ADAMTS7: variants seen among roughly 807,000 people sequenced by gnomAD.
ADAMTS7 encodes A disintegrin and metalloproteinase with thrombospondin motifs 7.
ADAMTS7 carries 89 observed loss-of-function variants against 172.6 expected under a neutral mutation model. The observed-to-expected ratio is 0.52, with a 90% CI of 0.43 to 0.61. ADAMTS7 has a LOEUF of 0.61. Ranked by LOEUF, ADAMTS7 falls within the 20% of genes least tolerant of loss-of-function variation. The pLI is 0.00. For missense variants in ADAMTS7, 1,973 were observed against 2,355.6 expected, an observed-to-expected ratio of 0.84 and a Z score of 3.36; for synonymous variants, 885 against 978.4, an observed-to-expected ratio of 0.90 and a Z score of 1.78.
chr15:78,766,805 G>A lies in ADAMTS7; in HGVS notation c.3106C>T (p.Pro1036Ser), dbSNP rs1177699109. 3 of 1,610,624 alleles carry A rather than the reference G, an allele frequency of 1.9e-6. No individual in the cohort carries two copies. The highest frequency in any genetic ancestry group is 2.5e-6 in the Non-Finnish European group (3 of 1,179,812). ...LAPRPSPASS[P>S]KPGTMGNAIE... is the part of the protein sequence containing the mutation. ...GCGTTGCCCATGGTGCCTGGCTTGGGTGATGAGGCGGGTGAAGGGCGTGGG... is the reference window on the plus strand; with the variant it reads ...GCGTTGCCCATGGTGCCTGGCTTGGATGATGAGGCGGGTGAAGGGCGTGGG... Residue 1036 changes from proline (P) to serine (S), a missense_variant, in exon 19 of 24, where the codon CCC (proline) becomes TCC (serine). By Grantham distance (74) the Pro-to-Ser change is moderately conservative. Around this residue, in one of 8 missense-constraint regions of ADAMTS7, gnomAD observed 771 missense variants for 952.6 expected, o/e 0.81. Coordinates refer to ENST00000388820, the MANE Select transcript of ADAMTS7 (RefSeq NM_014272.5).
intron 8 of ADAMTS7, among the ~76,000 whole-genome samples, chr15:78,782,456 T>A (rs1878172808): frequency 7.0e-6 from 1 of 142,988 alleles, no homozygotes; most frequent in South Asian, 2.2e-4. Flanking sequence ...CCTGGTCACA[T>A]CCCTGCTTAA....
intron 22 of ADAMTS7, among the ~76,000 whole-genome samples, chr15:78,762,945 G>A (rs1243313575): frequency 2.0e-5 from 3 of 152,220 alleles, no homozygotes; most frequent in African/African-American, 4.8e-5. Flanking sequence ...GAGGGACAGG[G>A]CAGAGGACCT....
rs371058694 is a variant in ADAMTS7, at chr15:78,766,210, G to A, written c.3701C>T (p.Pro1234Leu). 43 of 1,611,634 alleles carry A rather than the reference G, an allele frequency of 2.7e-5. No homozygotes were observed. Among genetic ancestry groups the A allele is most frequent in the South Asian group, 4.4e-5 (4 of 91,042 alleles). Residue 1234 changes from proline (P) to leucine (L), a missense_variant, in exon 19 of 24, where the codon CCG becomes CTG. Pro to Leu is a moderately conservative substitution (Grantham distance 98). This residue lies in a region of ADAMTS7 where 771 missense variants were observed against 952.6 expected (regional missense o/e 0.81). Coordinates refer to ENST00000388820, the MANE Select transcript of ADAMTS7 (RefSeq NM_014272.5). ...AGGGGGCAGCGTGGAGCTGGGTCTC[G>A]GGGGCAGGTGGGGTGCTCCTCGGCC... Reference protein sequence around the residue: ...PKGRGAPHLPPRPSSTLPPLS... With the variant: ...PKGRGAPHLPLRPSSTLPPLS...
intron 1 of ADAMTS7, among the ~76,000 whole-genome samples, chr15:78,808,187 A>G (rs2055820980): frequency 6.6e-6 from 1 of 152,150 alleles, no homozygotes; most frequent in Non-Finnish European, 1.5e-5. Flanking sequence ...CAATAAAAGA[A>G]TAGACTTACA....
rs1387870400 is a variant in ADAMTS7, at chr15:78,762,994, C to T, written c.4741-429G>A. Among the ~76,000 whole-genome samples the T allele has an allele frequency of 5.3e-5, 8 of 152,342 alleles. No individual in the cohort carries two copies. The South Asian group carries it at 1.4e-3, about 28-fold the overall frequency. On this transcript the variant is annotated intron_variant, in intron 22 of 23. Coordinates refer to ENST00000388820, the MANE Select transcript of ADAMTS7 (RefSeq NM_014272.5). ...GGCAGGAGGGCAGGAGACAGTTTCA[C>T]AGCCGGGGCCCAGCCCGCCAGGCTT...
chr15:78,771,461 GC>G lies in ADAMTS7; in HGVS notation c.2376+123del, dbSNP rs767592190. The G allele has an allele frequency of 3.3e-6, 5 of 1,534,278 alleles. No individual in the cohort carries two copies. Among genetic ancestry groups the G allele is most frequent in the Non-Finnish European group, 4.4e-6 (5 of 1,139,866 alleles). ...GTAGAGGCCGCAGCAGGAGGGCCTGGCTCAGAGCCAGGCTCTGTGACTGAAC... is the reference window on the plus strand; with the variant it reads ...GTAGAGGCCGCAGCAGGAGGGCCTGGTCAGAGCCAGGCTCTGTGACTGAAC... On this transcript the variant is annotated intron_variant, in intron 15 of 23. Coordinates refer to ENST00000388820, the MANE Select transcript of ADAMTS7 (RefSeq NM_014272.5). This position sits in a 1 kb window ranked among gnomAD's most constrained non-coding sequence, Gnocchi z 4.9.
chr15:78,776,801 C>T lies in ADAMTS7; in HGVS notation c.1508G>A (p.Cys503Tyr), dbSNP rs2055353291. ...CACAGCTGCATCCAGCTTGGAGTGA[C>T]AGGTGGTCCCCACAGAGCACCAGAG... ...HTLWCSVGTT[C>Y]HSKLDAAVDG... Residue 503 changes from cysteine to tyrosine, a missense_variant, in exon 10 of 24, where the codon TGT (cysteine) becomes TAT (tyrosine). Cys to Tyr is a radical substitution (Grantham distance 194). Around this residue, in one of 8 missense-constraint regions of ADAMTS7, gnomAD observed 526 missense variants for 662.9 expected, o/e 0.79. Coordinates refer to ENST00000388820, the MANE Select transcript of ADAMTS7 (RefSeq NM_014272.5). 9.7e-6 allele frequency: 15 copies of T among 1,551,408 alleles called. No individual in the cohort carries two copies. The highest frequency in any genetic ancestry group is 1.4e-5 in the African/African-American group (1 of 73,202).
intron 1 of ADAMTS7, among the ~76,000 whole-genome samples, chr15:78,802,514 C>G (rs2055739254): frequency 6.6e-6 from 1 of 152,168 alleles, no homozygotes; most frequent in Non-Finnish European, 1.5e-5. Context: ...CTTTTACATG[C>G]AAGAATTCAT....
chr15:78,800,411 G>C lies in ADAMTS7; in HGVS notation c.237C>G (p.Pro79=). ...CGCGGTATTGTAGCTCGTAGAAGGC[G>C]GGCGCGTCTCGGCGCACAGATACAT... is the stretch of plus-strand genomic sequence containing the variant. ...KRDVSVRRDA[P]AFYELQYRGR... Residue 79 remains proline (P), a synonymous_variant, in exon 2 of 24, where the codon CCC becomes CCG. Coordinates refer to ENST00000388820, the MANE Select transcript of ADAMTS7 (RefSeq NM_014272.5). 6.2e-7 allele frequency: 1 copy of C among 1,609,132 alleles called. No homozygotes were observed. The highest frequency in any genetic ancestry group is 2.2e-5 in the East Asian group (1 of 44,782).
chr15:78,811,369 C>G lies in ADAMTS7; in HGVS notation c.-149G>C, dbSNP rs952574982. 2.0e-6 allele frequency: 2 copies of G among 1,004,806 alleles called. No individual in the cohort carries two copies. The highest frequency in any genetic ancestry group is 2.5e-6 in the Non-Finnish European group (2 of 786,336). 62.2% of individuals were successfully genotyped at this position (1,004,806 alleles called of 1,614,324 possible). On this transcript the variant is annotated 5_prime_UTR_variant, in exon 1 of 24. Coordinates refer to ENST00000388820, the MANE Select transcript of ADAMTS7 (RefSeq NM_014272.5). Reference sequence around the variant, plus strand: ...GGCCCCGACTCCGTTCGGCTGCGCTCGGTCCGCGGGCAACAAAGGCTGCAG... The same window carrying G: ...GGCCCCGACTCCGTTCGGCTGCGCTGGGTCCGCGGGCAACAAAGGCTGCAG...
intron 1 of ADAMTS7, among the ~76,000 whole-genome samples, chr15:78,808,341 A>C (rs1389876176): frequency 3.9e-5 from 6 of 152,216 alleles, no homozygotes; most frequent in East Asian, 1.9e-4. Flanking sequence ...GGTTCAAGCA[A>C]TTCTCATGCC....
At chr15:78,791,032 G>A (rs2055573304) in intron 5 of ADAMTS7, 108 bp downstream of exon 5, 2 of 1,366,342 alleles carry the variant, frequency 1.5e-6, no homozygotes, top group Admixed American at 3.8e-5. Context: ...TCCAGGCCAA[G>A]GCGGCCTTCA....
rs1339614753 is a variant in ADAMTS7 at position 78,788,276 on chromosome 15, AG to A, written c.1276del (p.Leu426SerfsTer45). On this transcript the variant is annotated frameshift_variant, in exon 8 of 24. Coordinates refer to ENST00000388820, the MANE Select transcript of ADAMTS7 (RefSeq NM_014272.5). LOFTEE classifies it high-confidence loss of function. ...SPQLLYDAAP[L>X]TWSRCSRQYI... Reference sequence around the variant, plus strand: ...CTGGCGGCTGCAGCGGGACCAGGTGAGGGGAGCGGCGTCGTACAGGAGCTGT... The same window carrying A: ...CTGGCGGCTGCAGCGGGACCAGGTGAGGGAGCGGCGTCGTACAGGAGCTGT... 17 of 1,613,746 alleles carry A rather than the reference AG, an allele frequency of 1.1e-5. No individual in the cohort carries two copies. The highest frequency in any genetic ancestry group is 1.4e-5 in the Non-Finnish European group (17 of 1,179,994).
At chr15:78,781,774 C>T (rs976824204) in intron 8 of ADAMTS7, among the ~76,000 whole-genome samples, 2 of 152,198 alleles carry the variant, frequency 1.3e-5, no homozygotes, top group Admixed American at 6.5e-5. Flanking sequence ...GAAGGAGACA[C>T]ACCCTCCTCC....
intron 8 of ADAMTS7, among the ~76,000 whole-genome samples, chr15:78,784,425 GGGA>G: frequency 2.2e-5 from 3 of 137,594 alleles, no homozygotes; most frequent in Admixed American, 7.5e-5. Flanking sequence ...GAGGGAGGGA[GGGA>G]GGGAGGATAG....
intron 8 of ADAMTS7, among the ~76,000 whole-genome samples, chr15:78,784,280 A>G (rs1013944282): frequency 6.6e-6 from 1 of 151,772 alleles, no homozygotes; most frequent in Non-Finnish European, 1.5e-5. Flanking sequence ...CAGGAGGATC[A>G]TTTGTGCCTG....
intron 8 of ADAMTS7, among the ~76,000 whole-genome samples, chr15:78,782,008 C>T (rs2055434492): frequency 6.6e-6 from 1 of 152,108 alleles, no homozygotes; most frequent in African/African-American, 2.4e-5. Flanking sequence ...TCTGCCAACA[C>T]AGGTAGAAGC....
At chr15:78,808,541 TA>T (rs575135854) in intron 1 of ADAMTS7, among the ~76,000 whole-genome samples, 1,526 of 152,320 alleles carry the variant, frequency 0.01, 12 homozygotes, top group Non-Finnish European at 0.018. Context: ...CCGCCAGCAT[TA>T]CCTTTTTTTA....
intron 14 of ADAMTS7, among the ~76,000 whole-genome samples, chr15:78,772,176 G>A (rs1426305802): frequency 3.9e-5 from 6 of 152,096 alleles, no homozygotes; most frequent in African/African-American, 1.2e-4. Flanking sequence ...ATCCCCATGC[G>A]GCCTGCTTTT....
Sources: allele counts gnomAD v4.1 joint callset (sites outside exome capture counted in the v4.1 genomes callset), GRCh38; gene constraint gnomAD v4.1.1; regional missense constraint gnomAD v4.1.1; non-coding constraint Gnocchi (gnomAD v3.1); transcripts MANE v1.5; gene names NCBI Gene and HGNC (gene_info 2026-07-23, HGNC 2026-07-21).